The following INSL6 variants were observed in gnomAD, a reference collection of about 807,000 sequenced individuals.
INSL6 encodes the protein insulin-like peptide INSL6.
INSL6 carries 16 observed loss-of-function variants against 9.4 expected under a neutral mutation model. The observed-to-expected ratio is 1.70, with a 90% CI of 1.15 to 2.59. The LOEUF (loss-of-function observed/expected upper bound fraction) is 2.59. INSL6 is among the 30% of genes most tolerant of loss of function. The pLI, the probability that INSL6 is intolerant of heterozygous loss-of-function variation, is 0.00. For missense variants in INSL6, 391 were observed against 257.3 expected (o/e 1.52, Z -3.56); for synonymous variants, 154 against 96.9 (o/e 1.59, Z -3.46).
At chr9:5,073,760 T>A in the INSL6 span, 1 of 1,610,988 alleles carries the variant, frequency 6.2e-7, no homozygotes, top group Non-Finnish European at 8.5e-7. Flanking sequence ...TTTTAAATTA[T>A]GGAGTATGTG....
the INSL6 span, chr9:5,085,570 C>G: frequency 2.8e-5 from 19 of 690,360 alleles, no homozygotes; most frequent in South Asian, 2.8e-4. Flanking sequence ...AGCTGTATTT[C>G]CAGTTTGTGC....
At chr9:5,004,644 C>G in the INSL6 span, among the ~76,000 whole-genome samples, 5 of 152,036 alleles carry the variant, frequency 3.3e-5, no homozygotes, top group African/African-American at 1.2e-4. Context: ...TTCCAATACC[C>G]AGAAGTGGGA....
chr9:5,014,075 G>T, the INSL6 span, among the ~76,000 whole-genome samples: 1 of 151,640 alleles, frequency 6.6e-6, no homozygotes, highest in African/African-American at 2.4e-5. Context: ...TTGAAAATAT[G>T]AACTTTTAAA....
In INSL6 at chr9:5,164,244, G is replaced by C; in HGVS notation, c.311C>G (p.Ala104Gly). The change falls in exon 2 of 2, where the codon GCA becomes GGA. Residue 104 changes from alanine to glycine, a missense_variant. Ala to Gly is a moderately conservative substitution (Grantham distance 60). Coordinates refer to ENST00000381641, the MANE Select transcript of INSL6 (RefSeq NM_007179.3). ...TNPVSTSWEE[A>G]VNSWEMQSLP... ...TGACTGCATTTCCCAACTGTTTACT[G>C]CTTCTTCCCAAGAAGTAGACACTGT... 1 of 1,604,724 alleles carries C rather than the reference G, an allele frequency of 6.2e-7. No individual in the cohort carries two copies. Among genetic ancestry groups the C allele is most frequent in the South Asian group, 1.1e-5 (1 of 89,262 alleles).
intron 2 of INSL6, among the ~76,000 whole-genome samples, chr9:5,134,405 T>A (rs374894171): frequency 2.0e-5 from 3 of 151,712 alleles, no homozygotes; most frequent in Admixed American, 2.0e-4. Flanking sequence ...TTCACCAAGG[T>A]TGAAATGAAG....
At chr9:5,072,874 T>C in the INSL6 span, among the ~76,000 whole-genome samples, 1 of 152,314 alleles carries the variant, frequency 6.6e-6, no homozygotes, top group Non-Finnish European at 1.5e-5. Flanking sequence ...TTTCTGCATA[T>C]ACTGTGGCCT....
the INSL6 span, among the ~76,000 whole-genome samples, chr9:5,049,158 G>A: frequency 2.6e-5 from 4 of 151,894 alleles, no homozygotes; most frequent in Admixed American, 1.3e-4. Context: ...TCGTATCTGA[G>A]CCATACACCA....
At chr9:5,152,720 CA>C (rs1824734838) in intron 2 of INSL6, among the ~76,000 whole-genome samples, 1 of 152,212 alleles carries the variant, frequency 6.6e-6, no homozygotes, top group South Asian at 2.1e-4. Flanking sequence ...TCAGTAAAGG[CA>C]AAAGGTGATG....
the INSL6 span, among the ~76,000 whole-genome samples, chr9:5,027,823 A>G: frequency 6.6e-6 from 1 of 152,172 alleles, no homozygotes; most frequent in Non-Finnish European, 1.5e-5. Flanking sequence ...TATATGTCCA[A>G]GTTTTATCGT....
At chr9:5,058,971 T>G in the INSL6 span, among the ~76,000 whole-genome samples, 1,103 of 152,330 alleles carry the variant, frequency 7.2e-3, 10 homozygotes, top group African/African-American at 0.025. Flanking sequence ...TTTCTCCCAT[T>G]CCATAGATTG....
the INSL6 span, among the ~76,000 whole-genome samples, chr9:5,062,435 T>C: frequency 6.9e-6 from 1 of 145,694 alleles, no homozygotes; most frequent in Non-Finnish European, 1.5e-5. Context: ...GCATATGCTA[T>C]TGGAAAAATT....
chr9:5,006,963 C>G, the INSL6 span, among the ~76,000 whole-genome samples: 2 of 152,136 alleles, frequency 1.3e-5, no homozygotes, highest in African/African-American at 4.8e-5. Context: ...ATTGTAAGCT[C>G]TGGTAATAAT....
the INSL6 span, chr9:5,054,465 A>C: frequency 3.2e-5 from 32 of 995,546 alleles, no homozygotes; most frequent in Non-Finnish European, 4.8e-5. The surrounding 1 kb of genome is among the most constrained non-coding windows in gnomAD (Gnocchi z 4.9). Context: ...AGGCCTACTT[A>C]ATCATGGAAA....
At chr9:5,059,283 C>T in the INSL6 span, among the ~76,000 whole-genome samples, 2 of 152,108 alleles carry the variant, frequency 1.3e-5, no homozygotes, top group African/African-American at 4.8e-5. Context: ...TTAGTTTTAT[C>T]TATTAATAAA....
the INSL6 span, chr9:5,110,173 T>C: frequency 2.6e-5 from 4 of 152,228 alleles, no homozygotes; most frequent in African/African-American, 7.2e-5. Flanking sequence ...CCATCCGCCA[T>C]AGAAGGCCCA....
intron 2 of INSL6, among the ~76,000 whole-genome samples, chr9:5,158,591 T>A (rs1345447040): frequency 1.3e-5 from 2 of 151,920 alleles, no homozygotes; most frequent in African/African-American, 4.8e-5. Context: ...ATTTAAAGTG[T>A]TAAAGGAAAA....
At chr9:5,073,982 T>A in the INSL6 span, among the ~76,000 whole-genome samples, 7 of 152,252 alleles carry the variant, frequency 4.6e-5, no homozygotes, top group East Asian at 1.2e-3. Flanking sequence ...AAGTTAAAAG[T>A]AGAAGGTTAC....
chr9:5,151,815 T>C (rs1824719095), intron 2 of INSL6, among the ~76,000 whole-genome samples: 2 of 152,052 alleles, frequency 1.3e-5, no homozygotes, highest in African/African-American at 2.4e-5. Flanking sequence ...ATCAATAAAA[T>C]ATTAAACACT....
At chr9:5,161,065 A>G (rs1824916326), downstream of INSL6, among the ~76,000 whole-genome samples, 1 of 152,178 alleles carries the variant, frequency 6.6e-6, no homozygotes, top group Admixed American at 6.5e-5. Flanking sequence ...CGTGGAGGGA[A>G]TACTTCCAAA....
Sources: allele counts gnomAD v4.1 joint callset (sites outside exome capture counted in the v4.1 genomes callset), GRCh38; gene constraint gnomAD v4.1.1; non-coding constraint Gnocchi (gnomAD v3.1); transcripts MANE v1.5; gene names NCBI Gene and HGNC (gene_info 2026-07-23, HGNC 2026-07-21).